The following SCN7A variants were observed in gnomAD, a reference collection of about 807,000 sequenced individuals.
SCN7A encodes the protein sodium voltage-gated channel alpha subunit 7, also known as sodium channel protein type 7 subunit alpha.
Under a neutral mutation model 155.2 loss-of-function variants are expected in SCN7A, and 138 were observed. The observed-to-expected ratio is 0.89, with a 90% CI of 0.77 to 1.02. SCN7A has a LOEUF of 1.02. Ranked by LOEUF, SCN7A falls within the 50% of genes least tolerant of loss-of-function variation. SCN7A has a pLI of 0.00. For synonymous variants in SCN7A, 693 were observed against 649.0 expected, an observed-to-expected ratio of 1.07 and a Z score of -1.03; for missense variants, 2,058 against 1,986.6, an observed-to-expected ratio of 1.04 and a Z score of -0.68.
chr2:166,405,919 G>A lies in SCN7A; in HGVS notation c.4710C>T (p.Asp1570=), dbSNP rs1201412106. ...IALDLPMAVG[D]RIHCLDILLA... ...GTAAGATATCGAGGCAATGAATTCT[G>A]TCCCCAACAGCCATGGGGAGGTCCA... The change falls in exon 26 of 26, where the codon GAC becomes GAT. Residue 1570 remains aspartate, a synonymous_variant. Coordinates refer to ENST00000643258, the MANE Select transcript of SCN7A (RefSeq NM_002976.4). 1.2e-6 allele frequency: 2 copies of A among 1,613,022 alleles called. No individual in the cohort carries two copies. Among genetic ancestry groups the A allele is most frequent in the Non-Finnish European group, 1.7e-6 (2 of 1,179,342 alleles).
At chr2:166,433,184 T>C (rs1165240647) in intron 15 of SCN7A, among the ~76,000 whole-genome samples, 1 of 152,148 alleles carries the variant, frequency 6.6e-6, no homozygotes, top group Non-Finnish European at 1.5e-5. Context: ...ACTTCTGGCA[T>C]AAATGGGTTA....
chr2:166,448,644 T>C (rs1437723714), intron 11 of SCN7A, among the ~76,000 whole-genome samples: 1 of 152,184 alleles, frequency 6.6e-6, no homozygotes, highest in Non-Finnish European at 1.5e-5. Flanking sequence ...ATTTAGGAGT[T>C]CTTAAAATTA....
At chr2:166,491,119 G>A (rs1484881394) in intron 1 of SCN7A, among the ~76,000 whole-genome samples, 1 of 152,166 alleles carries the variant, frequency 6.6e-6, no homozygotes, top group Non-Finnish European at 1.5e-5. Context: ...AGGAAAGACA[G>A]ACTACTCTAC....
At chr2:166,476,048 TATG>T (rs1702790456) in intron 3 of SCN7A, among the ~76,000 whole-genome samples, 1 of 151,944 alleles carries the variant, frequency 6.6e-6, no homozygotes, top group Non-Finnish European at 1.5e-5. Context: ...TATCAATTAT[TATG>T]ACATAAACAT....
At chr2:166,475,104 G>GTATATATATATATATATATACGTA (rs370064873) in intron 3 of SCN7A, among the ~76,000 whole-genome samples, 1 of 86,026 alleles carries the variant, frequency 1.2e-5, no homozygotes, top group Non-Finnish European at 2.7e-5. Context: ...ACATATATAT[G>GTATATATATATATATATATACGTA]TATATATATA....
intron 6 of SCN7A, among the ~76,000 whole-genome samples, chr2:166,471,733 G>GGC (rs1323731653): frequency 8.7e-5 from 13 of 149,512 alleles, no homozygotes; most frequent in African/African-American, 3.2e-4. Flanking sequence ...TGTGGGGGGG[G>GGC]GGGTGGTGTT....
At chr2:166,421,366 T>G in intron 19 of SCN7A, 69 bp from the exon 20 acceptor site, 1 of 873,394 alleles carries the variant, frequency 1.1e-6, no homozygotes, top group Non-Finnish European at 1.7e-6. Context: ...TAAAATAAAC[T>G]TTGCATTTAT....
intron 18 of SCN7A, among the ~76,000 whole-genome samples, chr2:166,426,129 T>G (rs764858436): frequency 2.0e-5 from 3 of 152,176 alleles, no homozygotes; most frequent in Non-Finnish European, 4.4e-5. Flanking sequence ...GTAGACCTCT[T>G]TAGGATTTGA....
At chr2:166,414,979 ATATATTATTATATAGGATAATATATAAT>A (rs1701341368) in intron 21 of SCN7A, among the ~76,000 whole-genome samples, 1 of 122,184 alleles carries the variant, frequency 8.2e-6, no homozygotes, top group East Asian at 2.1e-4. Flanking sequence ...AATATATAAT[ATATATTATTATATAGGATAATATATAAT>A]ATATATTATT....
chr2:166,429,864 C>A (rs1432055254), intron 16 of SCN7A, among the ~76,000 whole-genome samples: 1 of 152,020 alleles, frequency 6.6e-6, no homozygotes, highest in South Asian at 2.1e-4. Context: ...CAGAATTGAC[C>A]TTCTTTCTAA....
At chr2:166,485,920 A>G (rs1166923685) in intron 2 of SCN7A, among the ~76,000 whole-genome samples, 1 of 152,174 alleles carries the variant, frequency 6.6e-6, no homozygotes, top group Non-Finnish European at 1.5e-5. Context: ...TAAATCCTTG[A>G]CCAAAAATTC....
At chr2:166,459,797 T>C (rs1179053531) in intron 10 of SCN7A, among the ~76,000 whole-genome samples, 1 of 152,078 alleles carries the variant, frequency 6.6e-6, no homozygotes, top group Non-Finnish European at 1.5e-5. Flanking sequence ...TATGCAGCCA[T>C]AAAAAAGAAT....
At chr2:166,445,341 G>A (rs1702040136) in intron 12 of SCN7A, among the ~76,000 whole-genome samples, 2 of 146,574 alleles carry the variant, frequency 1.4e-5, no homozygotes, top group South Asian at 2.3e-4. Context: ...AAGGAAGGAA[G>A]GAAGGAAGGA....
At chr2:166,471,327 T>C (rs909598132) in intron 6 of SCN7A, among the ~76,000 whole-genome samples, 1 of 151,862 alleles carries the variant, frequency 6.6e-6, no homozygotes, top group African/African-American at 2.4e-5. Flanking sequence ...TACTTTCTGA[T>C]TCAGAGGGTT....
chr2:166,460,174 G>A lies in SCN7A; in HGVS notation c.1083+2215C>T, dbSNP rs371931473. ...GAGTACAATAATGAAGATCCTGAGG[G>A]CCCTAATGGCAGGACACTTCCAGAC... On this transcript the variant is annotated intron_variant, in intron 10 of 25. Transcript: ENST00000643258. 2.0e-5 allele frequency among the ~76,000 whole-genome samples: 3 copies of A among 152,212 alleles called. No individual in the cohort carries two copies. The East Asian group carries it at 5.8e-4, about 29-fold the overall frequency.
chr2:166,458,171 CA>C (rs567047438), intron 10 of SCN7A, among the ~76,000 whole-genome samples: 2 of 151,134 alleles, frequency 1.3e-5, no homozygotes, highest in South Asian at 2.1e-4. Flanking sequence ...ACTAAAAATA[CA>C]AAAAAAATAG....
intron 15 of SCN7A, among the ~76,000 whole-genome samples, chr2:166,435,401 A>T (rs1228747820): frequency 1.5e-5 from 2 of 131,692 alleles, no homozygotes; most frequent in Non-Finnish European, 3.2e-5. Flanking sequence ...GATTAAAAAC[A>T]TATATTTATT....
chr2:166,464,889 C>G (rs1702493778), intron 9 of SCN7A, among the ~76,000 whole-genome samples: 3 of 152,168 alleles, frequency 2.0e-5, no homozygotes, highest in Admixed American at 2.0e-4. Flanking sequence ...AGCTTCTAGA[C>G]CTTGAAGAAA....
At position 166,430,963 on chromosome 2, in the gene SCN7A, GTAGT is replaced by G. The variant is rs201127201; in HGVS notation, c.2592+1351_2592+1354del. Among the ~76,000 whole-genome samples the G allele has an allele frequency of 8.6e-3, 1,311 of 152,064 alleles. 15 individuals carry two copies. The highest frequency in any genetic ancestry group is 0.029 in the African/African-American group (1,196 of 41,498). Reference sequence around the variant, plus strand: ...AAATAAATGAATACATCTTTTGTGAGTAGTTAATCAACCAGCAAGACCAAATAAC... The same window carrying G: ...AAATAAATGAATACATCTTTTGTGAGTAATCAACCAGCAAGACCAAATAAC... On this transcript the variant is annotated intron_variant, in intron 16 of 25. Transcript: ENST00000643258.
Sources: gnomAD v4.1 joint callset for allele counts (sites outside exome capture counted in the v4.1 genomes callset) on GRCh38, gnomAD v4.1.1 for gene constraint, MANE v1.5 for transcripts, NCBI Gene and HGNC (gene_info 2026-07-23, HGNC 2026-07-21) for gene names.